The following TMEM132D variants were observed in gnomAD, a reference collection of about 807,000 sequenced individuals.
TMEM132D encodes mature OL transmembrane protein.
Under a neutral mutation model 62.3 loss-of-function variants are expected in TMEM132D, and 21 were observed. The ratio of observed to expected loss-of-function variants is 0.34; its 90% CI spans 0.24 to 0.49. The LOEUF (loss-of-function observed/expected upper bound fraction) is 0.49, where lower values mean the gene tolerates loss of function less well. Among genes scored for constraint, TMEM132D ranks in the 20% least tolerant of loss-of-function variants. The pLI, the probability that TMEM132D is intolerant of heterozygous loss-of-function variation, is 0.99. For synonymous variants in TMEM132D, 621 were observed against 575.6 expected, an observed-to-expected ratio of 1.08 and a Z score of -1.13; for missense variants, 1,346 against 1,402.8, an observed-to-expected ratio of 0.96 and a Z score of 0.65.
intron 3 of TMEM132D, among the ~76,000 whole-genome samples, chr12:129,506,855 A>C (rs1001634961): frequency 1.3e-5 from 2 of 152,222 alleles, no homozygotes; most frequent in African/African-American, 4.8e-5. Flanking sequence ...AAAGACAAAT[A>C]GCTGGGGCTT....
At chr12:129,420,282 A>T (rs2135710439) in intron 3 of TMEM132D, among the ~76,000 whole-genome samples, 1 of 141,448 alleles carries the variant, frequency 7.1e-6, no homozygotes, top group African/African-American at 2.7e-5. Context: ...TATGAAGTTA[A>T]TTTCAAATTA....
chr12:129,426,774 CAA>C (rs1872513916), intron 3 of TMEM132D, among the ~76,000 whole-genome samples: 1 of 152,216 alleles, frequency 6.6e-6, no homozygotes, highest in East Asian at 1.9e-4. Flanking sequence ...CACCGTTTTT[CAA>C]AGAGGAAAAC....
At chr12:129,497,428 C>T (rs1874993165) in intron 3 of TMEM132D, among the ~76,000 whole-genome samples, 1 of 152,248 alleles carries the variant, frequency 6.6e-6, no homozygotes, top group African/African-American at 2.4e-5. Context: ...TTACTGAGCA[C>T]AGCAATGCTG....
intron 5 of TMEM132D, among the ~76,000 whole-genome samples, chr12:129,146,967 T>A (rs1237172834): frequency 6.6e-6 from 1 of 152,034 alleles, no homozygotes; most frequent in Non-Finnish European, 1.5e-5. Flanking sequence ...TTGCAAAGAT[T>A]CAAACCTAGC....
At position 129,891,424 on chromosome 12, in the gene TMEM132D, A is replaced by G. The variant is rs181988555; in HGVS notation, c.79+11837T>C. Among the ~76,000 whole-genome samples, 7 of 152,320 alleles carry G rather than the reference A, an allele frequency of 4.6e-5. No homozygotes were observed. In the East Asian group the frequency reaches 1.2e-3, roughly 25 times the overall value. ...GACCTCTATTCATGAAGACTTTTGA[A>G]TAGTTTTCTAGGCATACAGAAGCAC... On this transcript the variant is annotated intron_variant, in intron 1 of 8. Coordinates refer to ENST00000422113, the MANE Select transcript of TMEM132D (RefSeq NM_133448.3).
intron 4 of TMEM132D, among the ~76,000 whole-genome samples, chr12:129,255,075 C>G (rs1566013161): frequency 6.6e-6 from 1 of 152,126 alleles, no homozygotes; most frequent in Admixed American, 6.5e-5. Context: ...TGTGGCACCT[C>G]CCCCGCTCTC....
At chr12:129,731,124 T>C (rs1593139157) in intron 1 of TMEM132D, among the ~76,000 whole-genome samples, 2 of 152,304 alleles carry the variant, frequency 1.3e-5, no homozygotes, top group South Asian at 2.1e-4. Flanking sequence ...GGTTTAGAGC[T>C]TTACCATTCA....
At chr12:129,842,560 C>T (rs1873230697) in intron 1 of TMEM132D, among the ~76,000 whole-genome samples, 4 of 152,070 alleles carry the variant, frequency 2.6e-5, no homozygotes, top group Admixed American at 2.6e-4. Flanking sequence ...CCTCAGCCTC[C>T]TGGGCTCAAG....
At chr12:129,328,893 G>A (rs1482027545) in intron 4 of TMEM132D, among the ~76,000 whole-genome samples, 2 of 151,672 alleles carry the variant, frequency 1.3e-5, no homozygotes, top group African/African-American at 2.4e-5. Context: ...ACTCTGTGTG[G>A]CCTCATCCAT....
At chr12:129,275,051 G>A (rs115630612) in intron 4 of TMEM132D, among the ~76,000 whole-genome samples, 54 of 152,282 alleles carry the variant, frequency 3.5e-4, no homozygotes, top group African/African-American at 1.1e-3. Context: ...AGGTTGAGGC[G>A]GGACGATTCC....
intron 1 of TMEM132D, among the ~76,000 whole-genome samples, chr12:129,745,188 T>G (rs1282382263): frequency 6.6e-6 from 1 of 152,196 alleles, no homozygotes; most frequent in Non-Finnish European, 1.5e-5. Flanking sequence ...CTTGGATACT[T>G]CTTTATATCT....
intron 1 of TMEM132D, among the ~76,000 whole-genome samples, chr12:129,807,793 A>G (rs1197413556): frequency 6.6e-6 from 1 of 152,174 alleles, no homozygotes; most frequent in Non-Finnish European, 1.5e-5. Context: ...AAACAACCTA[A>G]TAGCCATTCA....
intron 2 of TMEM132D, among the ~76,000 whole-genome samples, chr12:129,689,467 T>A (rs115780224): frequency 1.1e-3 from 164 of 152,324 alleles, no homozygotes; most frequent in African/African-American, 3.7e-3. Flanking sequence ...AAGCATGTCA[T>A]GTCCCAACTC....
intron 5 of TMEM132D, among the ~76,000 whole-genome samples, chr12:129,199,053 A>G (rs1878619793): frequency 6.6e-6 from 1 of 151,478 alleles, no homozygotes; most frequent in East Asian, 1.9e-4. Flanking sequence ...TCCAATAAGT[A>G]TTAAAACATC....
chr12:129,410,269 G>C (rs769957049), intron 3 of TMEM132D, among the ~76,000 whole-genome samples: 6 of 152,192 alleles, frequency 3.9e-5, no homozygotes, highest in Non-Finnish European at 5.9e-5. Flanking sequence ...TTACCGGCAT[G>C]CAACATTAGT....
intron 1 of TMEM132D, among the ~76,000 whole-genome samples, chr12:129,728,058 T>TA (rs1314568449): frequency 6.6e-6 from 1 of 152,294 alleles, no homozygotes; most frequent in South Asian, 2.1e-4. Flanking sequence ...TATTGCATGT[T>TA]AAAAAATATT....
At chr12:129,563,542 G>A (rs1273815875) in intron 2 of TMEM132D, among the ~76,000 whole-genome samples, 2 of 152,156 alleles carry the variant, frequency 1.3e-5, no homozygotes, top group Admixed American at 6.5e-5. Context: ...TACGAGGGAG[G>A]TGACAAGAGA....
At chr12:129,665,236 A>G (rs1880349182) in intron 2 of TMEM132D, among the ~76,000 whole-genome samples, 1 of 152,112 alleles carries the variant, frequency 6.6e-6, no homozygotes, top group Admixed American at 6.6e-5. Flanking sequence ...CCTGCAACTC[A>G]TACAACAGCA....
chr12:129,319,704 A>T (rs991674778), intron 4 of TMEM132D, among the ~76,000 whole-genome samples: 1 of 152,170 alleles, frequency 6.6e-6, no homozygotes, highest in Non-Finnish European at 1.5e-5. Flanking sequence ...AAAAAAGAGA[A>T]GCTCATGAGG....
Sources: gnomAD v4.1 joint callset for allele counts (sites outside exome capture counted in the v4.1 genomes callset) on GRCh38, gnomAD v4.1.1 for gene constraint, MANE v1.5 for transcripts, NCBI Gene and HGNC (gene_info 2026-07-23, HGNC 2026-07-21) for gene names.